The following PTPRK variants were observed in gnomAD, a reference collection of about 807,000 sequenced individuals.
PTPRK encodes the protein receptor-type tyrosine-protein phosphatase kappa.
Under a neutral mutation model 178.0 loss-of-function variants are expected in PTPRK, and 75 were observed. The observed-to-expected ratio is 0.42, with a 90% CI of 0.35 to 0.51. The LOEUF is 0.51. PTPRK is among the 20% of genes least tolerant of loss of function. The probability of loss-of-function intolerance (pLI) is 0.02; values close to 1 mark genes in which losing one functional copy is unlikely to be tolerated. For missense variants in PTPRK, 1,441 were observed against 1,797.8 expected, an observed-to-expected ratio of 0.80 and a Z score of 3.59; for synonymous variants, 637 against 620.6, an observed-to-expected ratio of 1.03 and a Z score of -0.39.
chr6:128,023,754 A>T (rs1447281445), intron 13 of PTPRK, among the ~76,000 whole-genome samples: 1 of 152,040 alleles, frequency 6.6e-6, no homozygotes, highest in Non-Finnish European at 1.5e-5. Flanking sequence ...CCTGGGCTCA[A>T]GCGATCCTCC....
intron 1 of PTPRK, among the ~76,000 whole-genome samples, chr6:128,498,743 C>CA (rs1855103918): frequency 6.6e-6 from 1 of 152,030 alleles, no homozygotes; most frequent in African/African-American, 2.4e-5. Flanking sequence ...TATATCTTGA[C>CA]AAAAAATTCA....
intron 1 of PTPRK, among the ~76,000 whole-genome samples, chr6:128,439,847 T>G (rs978978067): frequency 6.6e-6 from 1 of 152,220 alleles, no homozygotes; most frequent in Non-Finnish European, 1.5e-5. Flanking sequence ...ATTCACATTC[T>G]GATTGTGATT....
rs1773642927 is a variant in PTPRK at position 127,969,046 on chromosome 6, T to C, written c.*1181A>G. On this transcript the variant is annotated 3_prime_UTR_variant, in exon 30 of 30. Transcript: ENST00000368226. ...ACTTTTTATAGTCAGAACGCAAAGC[T>C]TGTGCATGTAAACATCAAGAGAAAC... is the stretch of plus-strand genomic sequence containing the variant. 1 of 152,354 alleles carries C rather than the reference T, an allele frequency of 6.6e-6. No homozygotes were observed. Among genetic ancestry groups the C allele is most frequent in the African/African-American group, 2.4e-5 (1 of 41,586 alleles). 9.4% of individuals were successfully genotyped at this position (152,354 alleles called of 1,614,324 possible).
chr6:128,249,164 T>G (rs1037516481), intron 3 of PTPRK, among the ~76,000 whole-genome samples: 3 of 151,670 alleles, frequency 2.0e-5, no homozygotes, highest in Admixed American at 1.3e-4. Context: ...TTGAAAGGAG[T>G]TGAAATACAG....
chr6:128,492,812 T>C (rs1304945621), intron 1 of PTPRK, among the ~76,000 whole-genome samples: 1 of 152,188 alleles, frequency 6.6e-6, no homozygotes, highest in Non-Finnish European at 1.5e-5. Flanking sequence ...ATGGAAACCC[T>C]TGCCTTCCAA....
intron 1 of PTPRK, among the ~76,000 whole-genome samples, chr6:128,420,653 G>A (rs563296339): frequency 6.6e-6 from 1 of 152,308 alleles, no homozygotes; most frequent in South Asian, 2.1e-4. Context: ...TTAGAGAGCA[G>A]CAGGAATTTT....
intron 13 of PTPRK, among the ~76,000 whole-genome samples, chr6:128,017,760 AC>A (rs1447455994): frequency 1.1e-4 from 2 of 18,272 alleles, no homozygotes; most frequent in African/African-American, 4.3e-4. Flanking sequence ...AAATATATAT[AC>A]ATATATAAAT....
At chr6:127,992,528 C>T (rs1318466126) in intron 19 of PTPRK, 145 bp downstream of exon 19, 1 of 595,580 alleles carries the variant, frequency 1.7e-6, no homozygotes, top group Non-Finnish European at 2.9e-6. Context: ...TAAATTTGTA[C>T]TATACAAATG....
chr6:128,124,960 A>G (rs1265289911), intron 7 of PTPRK, among the ~76,000 whole-genome samples: 8 of 152,208 alleles, frequency 5.3e-5, no homozygotes, highest in Admixed American at 5.2e-4. Context: ...CAGCCTTCTA[A>G]CTAGAACTAC....
intron 15 of PTPRK, among the ~76,000 whole-genome samples, chr6:128,002,405 G>T (rs769605081): frequency 6.6e-6 from 1 of 151,816 alleles, no homozygotes; most frequent in African/African-American, 2.4e-5. Context: ...TGGTAAAATT[G>T]ATATGGAACC....
At chr6:128,036,973 T>G (rs965358664) in intron 13 of PTPRK, among the ~76,000 whole-genome samples, 1 of 152,114 alleles carries the variant, frequency 6.6e-6, no homozygotes, top group African/African-American at 2.4e-5. Context: ...CTCAGGTGAT[T>G]TGCCTGCCTT....
intron 1 of PTPRK, among the ~76,000 whole-genome samples, chr6:128,414,464 T>C (rs1842627941): frequency 6.6e-6 from 1 of 152,236 alleles, no homozygotes; most frequent in African/African-American, 2.4e-5. Context: ...TTTGGTAGTA[T>C]GCACAACTGA....
At chr6:128,198,195 G>T (rs1050388774) in intron 6 of PTPRK, among the ~76,000 whole-genome samples, 1 of 152,140 alleles carries the variant, frequency 6.6e-6, no homozygotes, top group Non-Finnish European at 1.5e-5. Flanking sequence ...GATGCAGCAG[G>T]TGATAAATAG....
intron 7 of PTPRK, among the ~76,000 whole-genome samples, chr6:128,159,835 T>A (rs115941312): frequency 2.7e-4 from 41 of 151,722 alleles, no homozygotes; most frequent in African/African-American, 9.9e-4. Flanking sequence ...TGGCAATAGA[T>A]TGTGATGTCA....
chr6:128,216,546 A>T (rs1334119563), intron 6 of PTPRK, among the ~76,000 whole-genome samples: 3 of 151,806 alleles, frequency 2.0e-5, no homozygotes, highest in Non-Finnish European at 4.4e-5. Flanking sequence ...GAAAAATAAA[A>T]AAAAAAAAAA....
intron 2 of PTPRK, among the ~76,000 whole-genome samples, chr6:128,328,212 T>C (rs532722794): frequency 2.0e-5 from 3 of 152,318 alleles, no homozygotes; most frequent in Admixed American, 6.5e-5. Flanking sequence ...CTTAACACTG[T>C]GCCAGCTGTA....
At chr6:128,297,255 G>C (rs1824625622) in intron 3 of PTPRK, among the ~76,000 whole-genome samples, 2 of 152,010 alleles carry the variant, frequency 1.3e-5, no homozygotes, top group Admixed American at 1.3e-4. Flanking sequence ...AAGAGACTTA[G>C]ACTCCCACAC....
chr6:128,369,451 G>T (rs905928200), intron 2 of PTPRK, among the ~76,000 whole-genome samples: 1 of 152,040 alleles, frequency 6.6e-6, no homozygotes. Flanking sequence ...TGATAAATAG[G>T]AGTTTAAGTT....
chr6:128,181,124 C>A (rs1043815086), intron 7 of PTPRK, among the ~76,000 whole-genome samples: 3 of 151,836 alleles, frequency 2.0e-5, no homozygotes, highest in Non-Finnish European at 4.4e-5. Context: ...CCATACTTGG[C>A]CACAAAAAAA....
Sources: gnomAD v4.1 joint callset for allele counts (sites outside exome capture counted in the v4.1 genomes callset) on GRCh38, gnomAD v4.1.1 for gene constraint, MANE v1.5 for transcripts, NCBI Gene and HGNC (gene_info 2026-07-23, HGNC 2026-07-21) for gene names.